Variants in NGF observed in about 807,000 individuals in gnomAD.
NGF encodes the protein nerve growth factor.
A neutral mutation model predicts 12.8 loss-of-function variants in NGF; 4 were observed. That is an observed-to-expected ratio of 0.31 (90% CI 0.15 to 0.72). NGF has a LOEUF of 0.72. NGF is among the 30% of genes least tolerant of loss of function. The pLI, the probability that NGF is intolerant of heterozygous loss-of-function variation, is 0.69. For missense variants in NGF, 283 were observed against 330.8 expected (o/e 0.86, Z 1.12); for synonymous variants, 140 against 130.0 (o/e 1.08, Z -0.52).
At chr1:115,303,211 A>T (rs1314512317) in intron 1 of NGF, among the ~76,000 whole-genome samples, 3 of 152,192 alleles carry the variant, frequency 2.0e-5, no homozygotes, top group Non-Finnish European at 2.9e-5. Context: ...TGTGATGTTT[A>T]TGGGCAGAGA....
At chr1:115,303,251 T>C (rs1654094528) in intron 1 of NGF, among the ~76,000 whole-genome samples, 1 of 152,154 alleles carries the variant, frequency 6.6e-6, no homozygotes, top group Admixed American at 6.5e-5. Flanking sequence ...TGCACCTGTG[T>C]TCATTAAGTC....
chr1:115,290,815 C>A (rs904815509), intron 2 of NGF, among the ~76,000 whole-genome samples: 4 of 152,206 alleles, frequency 2.6e-5, no homozygotes, highest in Non-Finnish European at 5.9e-5. Flanking sequence ...TTGTTGCCCC[C>A]AGGTGACCTA....
chr1:115,324,576 G>T (rs74114051), intron 1 of NGF, among the ~76,000 whole-genome samples: 3,616 of 152,098 alleles, frequency 0.024, 128 homozygotes, highest in African/African-American at 0.083. Context: ...TTCCATCAGA[G>T]CCTGGACCCC....
chr1:115,315,757 G>A (rs756058308), intron 1 of NGF, among the ~76,000 whole-genome samples: 2 of 152,186 alleles, frequency 1.3e-5, no homozygotes, highest in Non-Finnish European at 2.9e-5. Context: ...ATTGGGACTT[G>A]TCTGGCATAG....
At chr1:115,336,369 C>G (rs1655108718) in intron 1 of NGF, among the ~76,000 whole-genome samples, 1 of 152,292 alleles carries the variant, frequency 6.6e-6, no homozygotes, top group Middle Eastern at 3.4e-3. Flanking sequence ...TTCCCTTCAC[C>G]TGCATAAAGA....
intron 1 of NGF, among the ~76,000 whole-genome samples, chr1:115,331,157 A>G (rs1440453310): frequency 6.6e-6 from 1 of 152,194 alleles, no homozygotes; most frequent in Admixed American, 6.5e-5. Flanking sequence ...ACTCTGAGGT[A>G]AGAACTTTCC....
chr1:115,290,909 G>T (rs1653676663), intron 2 of NGF, among the ~76,000 whole-genome samples: 1 of 152,132 alleles, frequency 6.6e-6, no homozygotes, highest in Non-Finnish European at 1.5e-5. Flanking sequence ...TTCTCCATCT[G>T]CATGATGATG....
At chr1:115,304,134 CA>C (rs1357169679) in intron 1 of NGF, among the ~76,000 whole-genome samples, 1 of 151,770 alleles carries the variant, frequency 6.6e-6, no homozygotes, top group Non-Finnish European at 1.5e-5. Context: ...GTAATGGTCA[CA>C]AGAACATTTA....
chr1:115,318,967 G>A lies in NGF; in HGVS notation c.-137+19237C>T, dbSNP rs1571090832. On this transcript the variant is annotated intron_variant, in intron 1 of 2. Coordinates refer to ENST00000369512, the MANE Select transcript of NGF (RefSeq NM_002506.3). ...TACAGCAGGGCTATGGACAGATGCT[G>A]TTGAATGGCTTCATGGGACTCCCCA... Among the ~76,000 whole-genome samples, 3 of 152,208 alleles carry A rather than the reference G, an allele frequency of 2.0e-5. No individual in the cohort carries two copies. In the South Asian group the frequency reaches 6.2e-4, roughly 31 times the overall value.
chr1:115,317,644 T>A (rs1446112618), intron 1 of NGF, among the ~76,000 whole-genome samples: 1 of 152,126 alleles, frequency 6.6e-6, no homozygotes, highest in Non-Finnish European at 1.5e-5. Context: ...AATTTGCTCT[T>A]TATCAGAGCG....
At chr1:115,330,652 C>A (rs560794788) in intron 1 of NGF, among the ~76,000 whole-genome samples, 1 of 152,256 alleles carries the variant, frequency 6.6e-6, no homozygotes, top group East Asian at 1.9e-4. Context: ...GGTTGAATCA[C>A]ATTTAGGTCA....
chr1:115,294,305 A>G (rs1653795612), intron 1 of NGF, among the ~76,000 whole-genome samples: 1 of 152,202 alleles, frequency 6.6e-6, no homozygotes, highest in Non-Finnish European at 1.5e-5. Context: ...ACCACACTGA[A>G]AGGCAGATTT....
chr1:115,306,661 T>A (rs1654213091), intron 1 of NGF, among the ~76,000 whole-genome samples: 1 of 152,244 alleles, frequency 6.6e-6, no homozygotes, highest in Admixed American at 6.5e-5. Context: ...TGGTTTTCAT[T>A]GCAAGCACTG....
At position 115,317,788 on chromosome 1, in the gene NGF, C is replaced by T. The variant is rs1654511240; in HGVS notation, c.-137+20416G>A. On this transcript the variant is annotated intron_variant, in intron 1 of 2. Transcript: ENST00000369512. ...TGCATCCCTGCCGCTGGCAGGAGTC[C>T]CGTGTTTACTGTAACATTTGGAAAA... 1.3e-5 allele frequency among the ~76,000 whole-genome samples: 2 copies of T among 152,226 alleles called. 1 individual carries two copies. The highest frequency in any genetic ancestry group is 4.1e-4 in the South Asian group (2 of 4,830).
At chr1:115,326,229 C>T (rs1654773171) in intron 1 of NGF, among the ~76,000 whole-genome samples, 1 of 152,114 alleles carries the variant, frequency 6.6e-6, no homozygotes, top group African/African-American at 2.4e-5. Context: ...GGAGAAGAGA[C>T]AGGGACATGT....
chr1:115,332,163 G>A (rs777207573), intron 1 of NGF, among the ~76,000 whole-genome samples: 3 of 152,226 alleles, frequency 2.0e-5, no homozygotes, highest in Non-Finnish European at 4.4e-5. Context: ...CATTCTTAAA[G>A]CTGCAAGCAA....
At chr1:115,306,695 A>G (rs1359356002) in intron 1 of NGF, among the ~76,000 whole-genome samples, 1 of 152,216 alleles carries the variant, frequency 6.6e-6, no homozygotes. Flanking sequence ...AAGTTGCTCT[A>G]GCCCACCAGC....
At chr1:115,321,653 G>T (rs1654631973) in intron 1 of NGF, among the ~76,000 whole-genome samples, 1 of 151,250 alleles carries the variant, frequency 6.6e-6, no homozygotes. Flanking sequence ...AGATGATAGA[G>T]CATGCAGGAG....
At chr1:115,306,639 A>G (rs1283525139) in intron 1 of NGF, among the ~76,000 whole-genome samples, 1 of 152,232 alleles carries the variant, frequency 6.6e-6, no homozygotes, top group East Asian at 1.9e-4. Context: ...TGCTATGTAT[A>G]CAGCAAATTG....
Sources: allele counts gnomAD v4.1 joint callset (sites outside exome capture counted in the v4.1 genomes callset), GRCh38; gene constraint gnomAD v4.1.1; transcripts MANE v1.5; gene names NCBI Gene and HGNC (gene_info 2026-07-23, HGNC 2026-07-21).